The following PEAK1 variants were observed in gnomAD, a reference collection of about 807,000 sequenced individuals.
The protein encoded by PEAK1 is inactive tyrosine-protein kinase PEAK1.
A neutral mutation model predicts 124.7 loss-of-function variants in PEAK1; 54 were observed. That is an observed-to-expected ratio of 0.43 (90% CI 0.35 to 0.54). The LOEUF (loss-of-function observed/expected upper bound fraction) is 0.54, where lower values mean the gene tolerates loss of function less well. Among genes scored for constraint, PEAK1 ranks in the 20% least tolerant of loss-of-function variants. The pLI is 0.01. For missense variants in PEAK1, 2,046 were observed against 2,134.5 expected (o/e 0.96, Z 0.82); for synonymous variants, 719 against 760.0 (o/e 0.95, Z 0.89).
At chr15:77,313,648 ATG>A (rs1220086755) in intron 2 of PEAK1, among the ~76,000 whole-genome samples, 1 of 87,606 alleles carries the variant, frequency 1.1e-5, no homozygotes, top group South Asian at 3.9e-4. Context: ...GTATGTATGT[ATG>A]TATGTGTGTG....
chr15:77,258,061 G>A (rs555020757), intron 5 of PEAK1, among the ~76,000 whole-genome samples: 3 of 152,064 alleles, frequency 2.0e-5, no homozygotes, highest in Non-Finnish European at 4.4e-5. Context: ...CATTTCTGAG[G>A]GCTCTGTTCT....
chr15:77,177,151 TCAC>T (rs2056933980), intron 7 of PEAK1, among the ~76,000 whole-genome samples: 2 of 152,216 alleles, frequency 1.3e-5, no homozygotes, highest in East Asian at 3.9e-4. Context: ...ACATGGGGTT[TCAC>T]CATGTTGGCA....
intron 2 of PEAK1, among the ~76,000 whole-genome samples, chr15:77,363,438 C>T (rs1403646953): frequency 6.6e-6 from 1 of 152,150 alleles, no homozygotes; most frequent in Non-Finnish European, 1.5e-5. Flanking sequence ...ACTAAAAACA[C>T]TTTCCTCCAC....
intron 6 of PEAK1, among the ~76,000 whole-genome samples, chr15:77,230,548 G>A (rs2059866993): frequency 6.6e-6 from 1 of 152,080 alleles, no homozygotes; most frequent in Non-Finnish European, 1.5e-5. Context: ...AAAGAAGGTG[G>A]AAGAGAAACA....
At chr15:77,368,261 A>T (rs1472059670) in intron 1 of PEAK1, among the ~76,000 whole-genome samples, 1 of 152,208 alleles carries the variant, frequency 6.6e-6, no homozygotes, top group East Asian at 1.9e-4. Context: ...CATGCCTGTA[A>T]TCCCAGCAAT....
chr15:77,189,502 G>A (rs928693578), intron 6 of PEAK1, among the ~76,000 whole-genome samples: 24 of 152,186 alleles, frequency 1.6e-4, no homozygotes, highest in African/African-American at 5.5e-4. Context: ...ATGAAGAAGT[G>A]TAAGAAATAG....
At chr15:77,418,568 C>G in intron 1 of PEAK1, 1 of 984,852 alleles carries the variant, frequency 1.0e-6, no homozygotes, top group Admixed American at 6.1e-5. Flanking sequence ...AGAAAATGTA[C>G]CATATCTGCC....
In PEAK1 at chr15:77,133,063, T is replaced by G; in HGVS notation, c.4019A>C (p.Asp1340Ala). 2 of 1,614,180 alleles carry G rather than the reference T, an allele frequency of 1.2e-6. No homozygotes were observed. The highest frequency in any genetic ancestry group is 1.7e-6 in the Non-Finnish European group (2 of 1,180,022). Residue 1340 changes from aspartate to alanine, a missense_variant, in exon 9 of 10, where the codon GAT becomes GCT. Coordinates refer to ENST00000682557, the MANE Select transcript of PEAK1 (RefSeq NM_001385026.1). This position sits in a 1 kb window ranked among gnomAD's most constrained non-coding sequence, Gnocchi z 4.2. ...TSDKPCCEAG[D>A]AVYYTASYAK... Reference sequence around the variant, plus strand: ...ATATGAAGCAGTATAGTAAACCGCATCACCTGCCTCACAACATGGTTTGTC... The same window carrying G: ...ATATGAAGCAGTATAGTAAACCGCAGCACCTGCCTCACAACATGGTTTGTC...
At chr15:77,337,880 T>A in intron 2 of PEAK1, 1 of 985,314 alleles carries the variant, frequency 1.0e-6, no homozygotes, top group Non-Finnish European at 1.2e-6. Context: ...TCCCTTGTCA[T>A]ATTAGTCTGT....
At chr15:77,270,326 A>T (rs1387110539) in intron 5 of PEAK1, among the ~76,000 whole-genome samples, 1 of 152,174 alleles carries the variant, frequency 6.6e-6, no homozygotes, top group African/African-American at 2.4e-5. Context: ...TTAGGAAAAG[A>T]GGAAGTCAAA....
chr15:77,296,798 T>C (rs1225378021), intron 2 of PEAK1, among the ~76,000 whole-genome samples: 3 of 151,548 alleles, frequency 2.0e-5, no homozygotes, highest in African/African-American at 7.3e-5. Context: ...AGGCCCATAT[T>C]TTTCTTTTAA....
intron 2 of PEAK1, among the ~76,000 whole-genome samples, chr15:77,357,738 T>A (rs1160978821): frequency 3.3e-5 from 5 of 152,244 alleles, no homozygotes; most frequent in African/African-American, 1.2e-4. Context: ...GGTGAAAGAT[T>A]TAATTTTGTA....
At chr15:77,378,122 T>C (rs1013311160) in intron 1 of PEAK1, among the ~76,000 whole-genome samples, 2 of 151,600 alleles carry the variant, frequency 1.3e-5, no homozygotes, top group African/African-American at 2.4e-5. Context: ...AAGAAAACTA[T>C]GCCTGACTAT....
chr15:77,409,481 T>G (rs1298771725), intron 1 of PEAK1, among the ~76,000 whole-genome samples: 1 of 152,218 alleles, frequency 6.6e-6, no homozygotes, highest in Non-Finnish European at 1.5e-5. Context: ...ATCCATGTTC[T>G]TAACCACAAT....
At chr15:77,354,832 G>T (rs2067410946) in intron 2 of PEAK1, among the ~76,000 whole-genome samples, 1 of 152,154 alleles carries the variant, frequency 6.6e-6, no homozygotes, top group African/African-American at 2.4e-5. Context: ...GAGGTCAGGA[G>T]ATCAAGGCCA....
chr15:77,118,955 G>A (rs963605447), intron 9 of PEAK1, among the ~76,000 whole-genome samples: 2 of 85,454 alleles, frequency 2.3e-5, no homozygotes, highest in Admixed American at 1.1e-4. Flanking sequence ...AATGCTATGA[G>A]AGCCTGAGCC....
intron 6 of PEAK1, among the ~76,000 whole-genome samples, chr15:77,213,144 A>AATGTT (rs764784461): frequency 1.3e-5 from 2 of 152,330 alleles, no homozygotes; most frequent in Admixed American, 6.5e-5. Flanking sequence ...TAACTGGAAT[A>AATGTT]ATGTTCTATG....
chr15:77,114,213 C>T lies in PEAK1; in HGVS notation c.5184G>A (p.Leu1728=), dbSNP rs796487315. The T allele has an allele frequency of 2.5e-6, 4 of 1,614,204 alleles. No individual in the cohort carries two copies. In the African/African-American group the frequency reaches 5.3e-5, roughly 22 times the overall value. Residue 1728 remains leucine, a synonymous_variant, in exon 10 of 10, where the codon TTG becomes TTA. Coordinates refer to ENST00000682557, the MANE Select transcript of PEAK1 (RefSeq NM_001385026.1). ...SLEDWLCAQY[L]AFATTDSLSC... ...TGAGGGAGTCTGTAGTGGCAAAAGC[C>T]AAATACTGAGCACAAAGCCAGTCCT...
chr15:77,264,315 G>A (rs1019577040), intron 5 of PEAK1, among the ~76,000 whole-genome samples: 3 of 152,082 alleles, frequency 2.0e-5, no homozygotes. Context: ...AAGTCAAATT[G>A]TCCCTGTTTG....
Sources: allele counts gnomAD v4.1 joint callset (sites outside exome capture counted in the v4.1 genomes callset), GRCh38; gene constraint gnomAD v4.1.1; non-coding constraint Gnocchi (gnomAD v3.1); transcripts MANE v1.5; gene names NCBI Gene and HGNC (gene_info 2026-07-23, HGNC 2026-07-21).